The following GATAD2A variants were observed in gnomAD, a reference collection of about 807,000 sequenced individuals.
GATAD2A encodes transcriptional repressor p66-alpha.
Under a neutral mutation model 68.5 loss-of-function variants are expected in GATAD2A, and 12 were observed. The observed-to-expected ratio is 0.18, with a 90% CI of 0.11 to 0.28. The LOEUF (loss-of-function observed/expected upper bound fraction) is 0.28. Among genes scored for constraint, GATAD2A ranks in the 10% least tolerant of loss-of-function variants. The probability of loss-of-function intolerance (pLI) is 1.00; values close to 1 mark genes in which losing one functional copy is unlikely to be tolerated. For synonymous variants in GATAD2A, 410 were observed against 375.3 expected (o/e 1.09, Z -1.07); for missense variants, 755 against 868.5 (o/e 0.87, Z 1.64).
chr19:19,467,076 TAAAG>T (rs1388617519), intron 2 of GATAD2A, among the ~76,000 whole-genome samples: 1 of 152,152 alleles, frequency 6.6e-6, no homozygotes, highest in Admixed American at 6.5e-5. Context: ...AGTTAAGTGT[TAAAG>T]AAACTCAGAG....
In GATAD2A at chr19:19,498,612, C is replaced by T. The variant is rs1463652939; in HGVS notation, c.1094C>T (p.Pro365Leu). 1.9e-6 allele frequency: 3 copies of T among 1,613,602 alleles called. No individual in the cohort carries two copies. Among genetic ancestry groups the T allele is most frequent in the Non-Finnish European group, 2.5e-6 (3 of 1,179,846 alleles). ...GAGAAGACGCTACTCGAGATCCCCC[C>T]ACCCAAGCCCCCAGCCCCAGAGATG... The part of the protein sequence containing the change: ...QLEKTLLEIP[P>L]PKPPAPEMNF... Residue 365 changes from proline (P) to leucine (L), a missense_variant, in exon 8 of 12, where the codon CCA becomes CTA. By Grantham distance (98) the Pro-to-Leu change is moderately conservative (BLOSUM62 -3). Coordinates refer to ENST00000683918, the MANE Select transcript of GATAD2A (RefSeq NM_001384528.1).
In GATAD2A at chr19:19,495,892, A is replaced by C; in HGVS notation, c.756+7A>C. 6.2e-7 allele frequency: 1 copy of C among 1,609,802 alleles called. No homozygotes were observed. Among genetic ancestry groups the C allele is most frequent in the Non-Finnish European group, 8.5e-7 (1 of 1,177,180 alleles). On this transcript the variant is annotated splice_region_variant and intron_variant, in intron 6 of 11. Coordinates refer to ENST00000683918, the MANE Select transcript of GATAD2A (RefSeq NM_001384528.1). ...ACTCGTCAGGGGGGCTCAGGTAAGC[A>C]GGGCTGTGCACATGGGGGAGACCTG...
At chr19:19,388,525 A>G (rs1000628191) in intron 1 of GATAD2A, among the ~76,000 whole-genome samples, 1 of 151,972 alleles carries the variant, frequency 6.6e-6, no homozygotes, top group African/African-American at 2.4e-5. Flanking sequence ...GGAAAGTCAA[A>G]AAGCATGATT....
intron 2 of GATAD2A, among the ~76,000 whole-genome samples, chr19:19,470,236 G>T (rs1296187566): frequency 2.7e-5 from 4 of 147,950 alleles, no homozygotes; most frequent in African/African-American, 1.0e-4. Context: ...GTGGGTTTCA[G>T]TGATTCTCCT....
chr19:19,392,640 T>C (rs544580189), intron 1 of GATAD2A, among the ~76,000 whole-genome samples: 1 of 151,854 alleles, frequency 6.6e-6, no homozygotes, highest in South Asian at 2.1e-4. Context: ...TCCACCTGCC[T>C]CAGCCTCCCA....
At chr19:19,495,643 A>AC in intron 5 of GATAD2A, 111 bp from the exon 6 acceptor site, 1 of 1,001,258 alleles carries the variant, frequency 1.0e-6, no homozygotes, top group Non-Finnish European at 1.4e-6. Flanking sequence ...TTAAAAAAAA[A>AC]AAAAAAAAAA....
intron 1 of GATAD2A, among the ~76,000 whole-genome samples, chr19:19,462,531 G>A (rs940232142): frequency 3.9e-5 from 6 of 152,244 alleles, no homozygotes; most frequent in South Asian, 2.1e-4. Flanking sequence ...CGTCAGTGCC[G>A]GGCCTGGGAT....
chr19:19,506,210 G>T lies in GATAD2A; in HGVS notation c.*736G>T. The T allele has an allele frequency of 2.5e-6, 1 of 398,632 alleles. No individual in the cohort carries two copies. Among genetic ancestry groups the T allele is most frequent in the South Asian group, 1.3e-4 (1 of 7,834 alleles). 24.7% of individuals were successfully genotyped at this position (398,632 alleles called of 1,614,324 possible). On this transcript the variant is annotated 3_prime_UTR_variant, in exon 12 of 12. Transcript: ENST00000683918. ...GAACGCCTCCATTGCTGCTTGTTCT[G>T]GAGACCCCCGCCCCCGCACCTTCCA...
At chr19:19,420,683 G>A (rs151008681) in intron 1 of GATAD2A, among the ~76,000 whole-genome samples, 82 of 152,102 alleles carry the variant, frequency 5.4e-4, no homozygotes, top group African/African-American at 1.8e-3. Context: ...TCTGTCAGGT[G>A]TGGATATCGG....
chr19:19,420,186 T>G (rs1441791735), intron 1 of GATAD2A, among the ~76,000 whole-genome samples: 5 of 144,656 alleles, frequency 3.5e-5, no homozygotes, highest in Non-Finnish European at 6.1e-5. Flanking sequence ...AGTTTTTTTT[T>G]TTTTTTTTTT....
chr19:19,491,303 T>A (rs2059775085), intron 2 of GATAD2A, among the ~76,000 whole-genome samples: 1 of 152,176 alleles, frequency 6.6e-6, no homozygotes, highest in Non-Finnish European at 1.5e-5. Flanking sequence ...ACTTCCCCGA[T>A]TGTCCCCTGG....
chr19:19,437,312 G>A (rs1403504982), intron 1 of GATAD2A, among the ~76,000 whole-genome samples: 1 of 151,998 alleles, frequency 6.6e-6, no homozygotes, highest in Admixed American at 6.6e-5. Context: ...TGTATTTTTT[G>A]TAGAGACGGA....
upstream of GATAD2A, among the ~76,000 whole-genome samples, chr19:19,402,776 A>ATT (rs1400983648): frequency 1.3e-4 from 15 of 112,396 alleles, no homozygotes; most frequent in South Asian, 2.9e-4. Context: ...TGTTTTTTTG[A>ATT]TTTTTTTTTT....
At chr19:19,487,452 C>T (rs1011433871) in intron 2 of GATAD2A, among the ~76,000 whole-genome samples, 13 of 136,982 alleles carry the variant, frequency 9.5e-5, no homozygotes, top group Admixed American at 1.5e-4. Flanking sequence ...GGTGGGGTGC[C>T]GTGCAGGGAG....
chr19:19,498,810 C>A, intron 8 of GATAD2A, 88 bp downstream of exon 8: 2 of 1,206,736 alleles, frequency 1.7e-6, no homozygotes, highest in Non-Finnish European at 2.4e-6. Flanking sequence ...ACAGCAGAGG[C>A]TGGGGCAGGG....
At chr19:19,456,778 G>T (rs2056978008) in intron 1 of GATAD2A, among the ~76,000 whole-genome samples, 1 of 152,138 alleles carries the variant, frequency 6.6e-6, no homozygotes, top group South Asian at 2.1e-4. Flanking sequence ...AATTGTACAG[G>T]TCCAGTGCTC....
At chr19:19,475,482 G>GT (rs1568319620) in intron 2 of GATAD2A, among the ~76,000 whole-genome samples, 2 of 130,448 alleles carry the variant, frequency 1.5e-5, no homozygotes, top group Non-Finnish European at 3.5e-5. Context: ...GCTCTCTGGA[G>GT]CCCCCCCCCC....
chr19:19,440,832 G>A (rs1204003209), intron 1 of GATAD2A, among the ~76,000 whole-genome samples: 1 of 152,184 alleles, frequency 6.6e-6, no homozygotes, highest in African/African-American at 2.4e-5. Context: ...ACTTTAAAAC[G>A]TAGTTTGACT....
chr19:19,466,975 GTCCCTTGTGCA>G (rs1313870464), intron 2 of GATAD2A, among the ~76,000 whole-genome samples: 1 of 152,222 alleles, frequency 6.6e-6, no homozygotes, highest in Non-Finnish European at 1.5e-5. Context: ...TGTGCATGGG[GTCCCTTGTGCA>G]TTCCTGGGTT....
Sources: gnomAD v4.1 joint callset for allele counts (sites outside exome capture counted in the v4.1 genomes callset) on GRCh38, gnomAD v4.1.1 for gene constraint, MANE v1.5 for transcripts, NCBI Gene and HGNC (gene_info 2026-07-23, HGNC 2026-07-21) for gene names.